Variants in JCAD observed in about 807,000 individuals in gnomAD.
JCAD encodes the protein junctional cadherin 5 associated, also known as junctional cadherin 5-associated protein.
A neutral mutation model predicts 98.0 loss-of-function variants in JCAD; 40 were observed. The observed-to-expected ratio is 0.41, with a 90% CI of 0.32 to 0.53. The LOEUF (loss-of-function observed/expected upper bound fraction) is 0.53, where lower values mean the gene tolerates loss of function less well. Among genes scored for constraint, JCAD ranks in the 20% least tolerant of loss-of-function variants. The pLI is 0.31. For missense variants in JCAD, 1,705 were observed against 1,738.1 expected, an observed-to-expected ratio of 0.98 and a Z score of 0.34; for synonymous variants, 691 against 682.3, an observed-to-expected ratio of 1.01 and a Z score of -0.20.
At chr10:30,084,816 T>TCTAA (rs1318753326) in intron 1 of JCAD, among the ~76,000 whole-genome samples, 6 of 151,958 alleles carry the variant, frequency 3.9e-5, no homozygotes, top group Non-Finnish European at 8.8e-5. Flanking sequence ...TATCTATCTA[T>TCTAA]CTATCTATCT....
At chr10:30,034,667 A>G (rs1336173004) in intron 2 of JCAD, among the ~76,000 whole-genome samples, 1 of 152,036 alleles carries the variant, frequency 6.6e-6, no homozygotes, top group East Asian at 1.9e-4. Context: ...GAAGCCACAG[A>G]GTCCTCCCCT....
intron 2 of JCAD, chr10:30,044,891 C>T (rs1837305370): frequency 1.6e-6 from 1 of 632,818 alleles, no homozygotes. Flanking sequence ...AAGCTTGGGG[C>T]ACTGGCAGGG....
chr10:30,062,482 G>A, upstream of JCAD, among the ~76,000 whole-genome samples: 1 of 152,176 alleles, frequency 6.6e-6, no homozygotes, highest in East Asian at 1.9e-4. Context: ...GCAGAAAGGT[G>A]GAAAGCTTTT....
intron 1 of JCAD, among the ~76,000 whole-genome samples, chr10:30,114,412 A>G (rs181039847): frequency 1.3e-5 from 2 of 152,206 alleles, no homozygotes; most frequent in African/African-American, 4.8e-5. Context: ...CTTTATCATC[A>G]AGTAGGTAGG....
chr10:30,026,219 C>G lies in JCAD; in HGVS notation c.3929G>C (p.Arg1310Pro). ...GGLVSPGSGDRAQRLGHSLSV... is the reference protein window; with the variant it reads ...GGLVSPGSGDPAQRLGHSLSV... The stretch of plus-strand genomic sequence containing the variant: ...GAGTGAGTGGCCCAATCTCTGGGCA[C>G]GGTCCCCACTGCCAGGAGACACAAG... Residue 1310 changes from arginine to proline, a missense_variant, in exon 3 of 4, where the codon CGT becomes CCT. Physicochemically the swap from Arg to Pro is moderately radical, Grantham distance 103. Coordinates refer to ENST00000375377, the MANE Select transcript of JCAD (RefSeq NM_020848.4). 1 of 1,614,026 alleles carries G rather than the reference C, an allele frequency of 6.2e-7. No homozygotes were observed. The highest frequency in any genetic ancestry group is 8.5e-7 in the Non-Finnish European group (1 of 1,180,044).
intron 1 of JCAD, among the ~76,000 whole-genome samples, chr10:30,089,164 T>C (rs1335506227): frequency 6.6e-6 from 1 of 152,182 alleles, no homozygotes; most frequent in South Asian, 2.1e-4. Flanking sequence ...GGCTGTACCA[T>C]GTCCTTGGTA....
chr10:30,027,507 A>G lies in JCAD; in HGVS notation c.2641T>C (p.Phe881Leu). 1 of 1,610,572 alleles carries G rather than the reference A, an allele frequency of 6.2e-7. No individual in the cohort carries two copies. ...CTCATTTCCGGGCTGTTTCCGCGGA[A>G]GCCCACATCCTCCTGTCTGCAGTGA... ...RAHCRQEDVG[F>L]RGNSPEMRVE... The change falls in exon 3 of 4, where the codon TTC becomes CTC. Residue 881 changes from phenylalanine (F) to leucine (L), a missense_variant. Around this residue, in one of 3 missense-constraint regions of JCAD, gnomAD observed 1,278 missense variants for 1,243.1 expected, o/e 1.03. Coordinates refer to ENST00000375377, the MANE Select transcript of JCAD (RefSeq NM_020848.4).
rs758612761 is a variant in JCAD at position 30,028,896 on chromosome 10, C to T, written c.1252G>A (p.Asp418Asn). 15 of 1,614,200 alleles carry T rather than the reference C, an allele frequency of 9.3e-6. No individual in the cohort carries two copies. The highest frequency in any genetic ancestry group is 5.5e-5 in the South Asian group (5 of 91,076). Residue 418 changes from aspartate (D) to asparagine (N), a missense_variant, in exon 3 of 4, where the codon GAC (aspartate) becomes AAC (asparagine). Asp to Asn is a conservative substitution (Grantham distance 23). Transcript: ENST00000375377. ...PAHPRPVTAY[D>N]GFVQYIPFDD... ...AAGGGAATGTACTGAACGAAGCCGT[C>T]ATAGGCAGTGACAGGTCGGGGATGT... is the stretch of plus-strand genomic sequence containing the variant.
intron 1 of JCAD, among the ~76,000 whole-genome samples, chr10:30,105,481 A>G (rs1210249891): frequency 6.6e-6 from 1 of 150,828 alleles, no homozygotes; most frequent in Non-Finnish European, 1.5e-5. Context: ...GTGCCACCAC[A>G]CCCAGCTAAT....
intron 1 of JCAD, among the ~76,000 whole-genome samples, chr10:30,074,282 G>A (rs927918867): frequency 6.6e-6 from 1 of 152,078 alleles, no homozygotes; most frequent in Admixed American, 6.5e-5. Flanking sequence ...TGCCAAGCAG[G>A]CAACTGGCCA....
intron 1 of JCAD, among the ~76,000 whole-genome samples, chr10:30,071,180 C>T (rs1418504814): frequency 1.3e-5 from 2 of 152,208 alleles, no homozygotes; most frequent in Non-Finnish European, 2.9e-5. Context: ...GCTGGGATTA[C>T]AGGCATAAGC....
upstream of JCAD, chr10:30,059,599 T>TCCGCCCCGCCAACCGCCCGGGC (rs1837662661): frequency 6.8e-6 from 1 of 146,266 alleles, no homozygotes. The surrounding 1 kb of genome is among the most constrained non-coding windows in gnomAD (Gnocchi z 5.0). Flanking sequence ...AGAACCGCCG[T>TCCGCCCCGCCAACCGCCCGGGC]CCGCCCCGCC....
chr10:30,072,960 G>C (rs187794792), intron 1 of JCAD, among the ~76,000 whole-genome samples: 2 of 152,288 alleles, frequency 1.3e-5, no homozygotes, highest in Admixed American at 1.3e-4. Context: ...ATTCTAATGT[G>C]CACCAAAGTT....
chr10:30,024,857 A>G (rs12784436), intron 3 of JCAD, among the ~76,000 whole-genome samples: 86,232 of 151,754 alleles, frequency 0.57, 26,920 homozygotes, highest in African/African-American at 0.85. Context: ...CGCCACGCCC[A>G]GCTAATTTTT....
At chr10:30,019,357 CAAAAAAAAAAAA>C (rs58164754) in intron 3 of JCAD, among the ~76,000 whole-genome samples, 1 of 100,308 alleles carries the variant, frequency 1.0e-5, no homozygotes, top group Admixed American at 1.1e-4. Context: ...AACTCTGTCT[CAAAAAAAAAAAA>C]AAAAAAAAGA....
In JCAD at chr10:30,015,732, A is replaced by G. The variant is rs1836518175; in HGVS notation, c.*2151T>C. 2 of 152,230 alleles carry G rather than the reference A, an allele frequency of 1.3e-5. No homozygotes were observed. Among genetic ancestry groups the G allele is most frequent in the Non-Finnish European group, 2.9e-5 (2 of 68,042 alleles). The allele number at this position is 152,230 out of a possible 1,614,324, so 9.4% of individuals were successfully genotyped here. On this transcript the variant is annotated 3_prime_UTR_variant, in exon 4 of 4. Transcript: ENST00000375377. ...TTAGATGGTATCAACAAAATTTCAG[A>G]GGAAATCAGAACGGAGTTCATATAC...
At chr10:30,066,485 T>C (rs1261479943) in intron 2 of JCAD, among the ~76,000 whole-genome samples, 2 of 152,096 alleles carry the variant, frequency 1.3e-5, no homozygotes, top group Non-Finnish European at 1.5e-5. Flanking sequence ...GTTTATAAAA[T>C]TCTTTGCCAA....
chr10:30,042,057 G>A (rs930921767), intron 2 of JCAD, among the ~76,000 whole-genome samples: 1 of 152,098 alleles, frequency 6.6e-6, no homozygotes, highest in African/African-American at 2.4e-5. Context: ...CCACGTCAGT[G>A]CCTTTCATGC....
At chr10:30,090,069 T>C (rs1032242665) in intron 1 of JCAD, among the ~76,000 whole-genome samples, 2 of 152,316 alleles carry the variant, frequency 1.3e-5, no homozygotes, top group East Asian at 1.9e-4. Flanking sequence ...TCATCTTTAG[T>C]TTAGAGGTTA....
Sources: gnomAD v4.1 joint callset for allele counts (sites outside exome capture counted in the v4.1 genomes callset) on GRCh38, gnomAD v4.1.1 for gene constraint, gnomAD v4.1.1 regional missense constraint, Gnocchi (gnomAD v3.1) non-coding constraint, MANE v1.5 for transcripts, NCBI Gene and HGNC (gene_info 2026-07-23, HGNC 2026-07-21) for gene names.